The following ETV7 variants were observed in gnomAD, a reference collection of about 807,000 sequenced individuals.
ETV7 encodes the protein transcription factor ETV7.
A neutral mutation model predicts 39.1 loss-of-function variants in ETV7; 43 were observed. The observed-to-expected ratio is 1.10, with a 90% CI of 0.86 to 1.42. ETV7 has a LOEUF of 1.42. Ranked by LOEUF, ETV7 falls within the 40% of genes most tolerant of loss-of-function variation. ETV7 has a pLI of 0.00. For missense variants in ETV7, 432 were observed against 442.3 expected, an observed-to-expected ratio of 0.98 and a Z score of 0.21; for synonymous variants, 196 against 176.6, an observed-to-expected ratio of 1.11 and a Z score of -0.87.
chr6:36,379,145 C>T (rs960467708), intron 2 of ETV7, among the ~76,000 whole-genome samples: 1 of 152,182 alleles, frequency 6.6e-6, no homozygotes, highest in East Asian at 1.9e-4. Context: ...CCAGGGCTTC[C>T]GCGGCTAGGG....
chr6:36,356,335 A>G (rs866798696), intron 7 of ETV7, among the ~76,000 whole-genome samples: 1 of 150,986 alleles, frequency 6.6e-6, no homozygotes, highest in East Asian at 1.9e-4. Flanking sequence ...AAAAAAAAAA[A>G]AAAACAAAAA....
chr6:36,373,610 T>C, intron 3 of ETV7, 32 bp from the exon 4 acceptor site: 2 of 1,521,882 alleles, frequency 1.3e-6, no homozygotes, highest in Non-Finnish European at 1.8e-6. Flanking sequence ...GGCAGGCTGC[T>C]GAACAGGCCA....
Position 36,387,651 on chromosome 6 carries a change from A to G in ETV7, c.-110T>C. ...GCAGTCCTCCTCCGCCAAACCCCTA[A>G]CCTGGCTCCGAGAACTGGAAGGTCG... On this transcript the variant is annotated 5_prime_UTR_variant, in exon 1 of 8. Transcript: ENST00000340181. The G allele has an allele frequency of 8.0e-7, 1 of 1,248,484 alleles. No homozygotes were observed. Among genetic ancestry groups the G allele is most frequent in the Non-Finnish European group, 1.1e-6 (1 of 871,100 alleles). 77.3% of individuals were successfully genotyped at this position (1,248,484 alleles called of 1,614,324 possible). A position where few individuals can be genotyped will look rare whatever the true frequency, so the allele number is the denominator to read the frequency against.
chr6:36,361,154 T>C (rs1442232764), intron 7 of ETV7, among the ~76,000 whole-genome samples: 3 of 152,248 alleles, frequency 2.0e-5, no homozygotes, highest in Non-Finnish European at 4.4e-5. Context: ...GAGTTGCATA[T>C]ACTGGTTTCA....
chr6:36,371,712 G>A (rs1773036088), intron 4 of ETV7, 152 bp from the exon 5 acceptor site: 1 of 724,790 alleles, frequency 1.4e-6, no homozygotes, highest in Non-Finnish European at 2.3e-6. Flanking sequence ...GGAGGCAGTG[G>A]GGGGCAGTGG....
At chr6:36,369,244 C>A (rs1181020489) in intron 5 of ETV7, among the ~76,000 whole-genome samples, 173 bp from the exon 6 acceptor site, 1 of 152,194 alleles carries the variant, frequency 6.6e-6, no homozygotes, top group African/African-American at 2.4e-5. Context: ...CACGCATTGT[C>A]TCAGGCAGTC....
chr6:36,369,274 G>A (rs548445931), intron 5 of ETV7, among the ~76,000 whole-genome samples: 2 of 152,304 alleles, frequency 1.3e-5, no homozygotes, highest in Non-Finnish European at 2.9e-5. Flanking sequence ...CTGGGAAGTC[G>A]TTACCTTTAT....
intron 1 of ETV7, 45 bp downstream of exon 1, chr6:36,387,491 G>A: frequency 2.2e-5 from 36 of 1,613,840 alleles, no homozygotes; most frequent in Non-Finnish European, 2.8e-5. Context: ...TGCGGGAGCA[G>A]GTGGCTCTGC....
chr6:36,382,008 C>T lies in ETV7; in HGVS notation c.142+3526G>A, dbSNP rs201012955. On this transcript the variant is annotated intron_variant, in intron 2 of 7. Transcript: ENST00000340181. ...ATTCCTTTTCATTGCCAGGTGATGT[C>T]ACTGTCAGTACTCACACGTTCCAGT... is the stretch of plus-strand genomic sequence containing the variant. Among the ~76,000 whole-genome samples the T allele has an allele frequency of 1.2e-4, 19 of 152,298 alleles. No homozygotes were observed. In the East Asian group the frequency reaches 2.5e-3, roughly 20 times the overall value.
Position 36,366,697 on chromosome 6 carries a change from T to C in ETV7, c.974A>G (p.Gln325Arg). Residue 325 changes from glutamine (Q) to arginine (R), a missense_variant, in exon 8 of 8, where the codon CAG becomes CGG. Coordinates refer to ENST00000340181, the MANE Select transcript of ETV7 (RefSeq NM_016135.4). ...CTTGAACTCTATTCTGTCCTGCTCC[T>C]GGCTCTCCAGCGGCTCCAGGTGGCT... Reference protein sequence around the residue: ...KHSHLEPLESQEQDRIEFKDK... With the variant: ...KHSHLEPLESREQDRIEFKDK... 6.2e-7 allele frequency: 1 copy of C among 1,614,184 alleles called. No individual in the cohort carries two copies. Among genetic ancestry groups the C allele is most frequent in the Non-Finnish European group, 8.5e-7 (1 of 1,180,040 alleles).
chr6:36,375,775 C>T lies in ETV7; in HGVS notation c.307+96G>A, dbSNP rs1040887511. 7 of 1,578,696 alleles carry T rather than the reference C, an allele frequency of 4.4e-6. No individual in the cohort carries two copies. In the South Asian group the frequency reaches 4.5e-5, roughly 10 times the overall value. ...AATGAGCATGATTCCCCAAGGAAGACCCCTCCATCTCCCTCCCTGGGCCCC... is the reference window on the plus strand; with the variant it reads ...AATGAGCATGATTCCCCAAGGAAGATCCCTCCATCTCCCTCCCTGGGCCCC... On this transcript the variant is annotated intron_variant, in intron 3 of 7. Transcript: ENST00000340181.
At position 36,385,688 on chromosome 6, in the gene ETV7, G is replaced by C; in HGVS notation, c.7-19C>G. 6.3e-7 allele frequency: 1 copy of C among 1,583,172 alleles called. No individual in the cohort carries two copies. The highest frequency in any genetic ancestry group is 1.2e-5 in the South Asian group (1 of 86,394). ...CTCCCTCCTAGAGAGAGAAAAACCA[G>C]GACAGTCAAAGAAGAGCATCTTGGT... is the stretch of plus-strand genomic sequence containing the variant. On this transcript the variant is annotated intron_variant, in intron 1 of 7. Transcript: ENST00000340181.
chr6:36,362,847 A>G (rs1047635475), downstream of ETV7, among the ~76,000 whole-genome samples: 4 of 152,204 alleles, frequency 2.6e-5, no homozygotes, highest in African/African-American at 4.8e-5. Flanking sequence ...TCGCTGGGAA[A>G]TGTAGCTGTT....
At chr6:36,355,902 G>A (rs72848600) in intron 7 of ETV7, among the ~76,000 whole-genome samples, 4 of 152,132 alleles carry the variant, frequency 2.6e-5, no homozygotes, top group East Asian at 3.8e-4. Context: ...AACAAAGGAC[G>A]TCTTAAAAAC....
chr6:36,386,006 G>A (rs534330036), intron 1 of ETV7, among the ~76,000 whole-genome samples: 3 of 152,278 alleles, frequency 2.0e-5, no homozygotes, highest in African/African-American at 7.2e-5. Context: ...AAACCTGAGG[G>A]GCCAGGATCA....
At chr6:36,381,967 G>A (rs1302420836) in intron 2 of ETV7, among the ~76,000 whole-genome samples, 1 of 152,100 alleles carries the variant, frequency 6.6e-6, no homozygotes, top group Non-Finnish European at 1.5e-5. Context: ...CTGCTTGTTT[G>A]GGTCCTCACC....
chr6:36,367,754 C>T (rs1027588167), intron 6 of ETV7, among the ~76,000 whole-genome samples: 1 of 151,870 alleles, frequency 6.6e-6, no homozygotes, highest in African/African-American at 2.4e-5. Context: ...TGGGGTGTGG[C>T]ATCAATTTAA....
rs140969531 is a variant in ETV7, at chr6:36,387,477, AGGATGCG to A, written c.6+52_6+58del. On this transcript the variant is annotated intron_variant, in intron 1 of 7. Coordinates refer to ENST00000340181, the MANE Select transcript of ETV7 (RefSeq NM_016135.4). Reference sequence around the variant, plus strand: ...GTTTGGAAATCTAGGTGGTGAGGAAAGGATGCGGGAGCAGGTGGCTCTGCGTGCGCGC... The same window carrying A: ...GTTTGGAAATCTAGGTGGTGAGGAAAGGAGCAGGTGGCTCTGCGTGCGCGC... 4.9e-4 allele frequency: 787 copies of A among 1,612,206 alleles called. 5 individuals carry two copies. In the African/African-American group the frequency reaches 9.5e-3, roughly 19 times the overall value.
At chr6:36,362,782 C>G (rs1471598116), downstream of ETV7, among the ~76,000 whole-genome samples, 2 of 152,234 alleles carry the variant, frequency 1.3e-5, no homozygotes, top group African/African-American at 4.8e-5. Context: ...GTAGCCCAAC[C>G]CGGCCATGAT....
Sources: gnomAD v4.1 joint callset for allele counts (sites outside exome capture counted in the v4.1 genomes callset) on GRCh38, gnomAD v4.1.1 for gene constraint, MANE v1.5 for transcripts, NCBI Gene and HGNC (gene_info 2026-07-23, HGNC 2026-07-21) for gene names.